ZNF169: variants seen among roughly 807,000 people sequenced by gnomAD.
ZNF169 encodes the protein zinc finger protein 169.
Under a neutral mutation model 12.0 loss-of-function variants are expected in ZNF169, and 11 were observed. The ratio of observed to expected loss-of-function variants is 0.92; its 90% CI spans 0.58 to 1.52. The LOEUF (loss-of-function observed/expected upper bound fraction) is 1.52, where lower values mean the gene tolerates loss of function less well. Among genes scored for constraint, ZNF169 ranks in the 40% most tolerant of loss-of-function variants. The pLI is 0.00. For missense variants in ZNF169, 722 were observed against 744.0 expected, an observed-to-expected ratio of 0.97 and a Z score of 0.34; for synonymous variants, 302 against 286.5, an observed-to-expected ratio of 1.05 and a Z score of -0.55.
rs1034209861 is a variant in ZNF169 at position 94,300,970 on chromosome 9, T to G, written c.1412T>G (p.Val471Gly). The part of the protein sequence containing the change: ...PDCGRGFGQK[V>G]TLIRHQRTHT... The stretch of plus-strand genomic sequence containing the variant: ...TGTGGGCGTGGCTTTGGTCAGAAGG[T>G]CACCCTCATCAGACACCAGAGGACA... The change falls in exon 5 of 5, where the codon GTC (valine) becomes GGC (glycine). Residue 471 changes from valine (V) to glycine (G), a missense_variant. Transcript: ENST00000395395. 3.1e-6 allele frequency: 5 copies of G among 1,597,598 alleles called. No individual in the cohort carries two copies. Among genetic ancestry groups the G allele is most frequent in the Non-Finnish European group, 4.3e-6 (5 of 1,174,608 alleles).
chr9:94,270,257 A>G lies in ZNF169; in HGVS notation c.-55-8501A>G, dbSNP rs938053584. Among the ~76,000 whole-genome samples, 13 of 152,264 alleles carry G rather than the reference A, an allele frequency of 8.5e-5. No individual in the cohort carries two copies. In the East Asian group the frequency reaches 1.9e-3, roughly 23 times the overall value. ...GGTTGTACGAGAATTCTGTTGCCTC[A>G]TTCTTGCCAACACTGCTATTTTCTG... On this transcript the variant is annotated intron_variant, in intron 1 of 4. Transcript: ENST00000395395.
At position 94,278,908 on chromosome 9, in the gene ZNF169, AG is replaced by A. The variant is rs1252136725; in HGVS notation, c.33+65del. 1.6e-5 allele frequency: 25 copies of A among 1,572,596 alleles called. No homozygotes were observed. In the Admixed American group the frequency reaches 4.3e-4, roughly 27 times the overall value. ...GTTTCATAATCTTTTCTTGTCCTGA[AG>A]GCTGCCTTCTTGGTGTTAGGCAAAG... On this transcript the variant is annotated intron_variant, in intron 2 of 4. Coordinates refer to ENST00000395395, the MANE Select transcript of ZNF169 (RefSeq NM_194320.4).
chr9:94,299,519 G>A (rs1174133996), intron 4 of ZNF169: 2 of 1,319,388 alleles, frequency 1.5e-6, no homozygotes, highest in Non-Finnish European at 1.9e-6. Context: ...AGGTTTAATA[G>A]GCTTGAGCTG....
At chr9:94,270,755 A>AT (rs1830385452) in intron 1 of ZNF169, among the ~76,000 whole-genome samples, 1 of 92,448 alleles carries the variant, frequency 1.1e-5, no homozygotes, top group Non-Finnish European at 2.0e-5. Context: ...TTTATATAAT[A>AT]TATAAATATA....
intron 1 of ZNF169, among the ~76,000 whole-genome samples, chr9:94,261,090 G>C (rs1398889876): frequency 6.6e-6 from 1 of 151,760 alleles, no homozygotes; most frequent in East Asian, 1.9e-4. Context: ...GGAGTGCAGT[G>C]GGGTGGCGCG....
At chr9:94,290,019 TG>T (rs1722439759) in intron 2 of ZNF169, among the ~76,000 whole-genome samples, 1 of 152,190 alleles carries the variant, frequency 6.6e-6, no homozygotes, top group African/African-American at 2.4e-5. Context: ...AGACATATCC[TG>T]GGCCATAAAC....
At chr9:94,287,812 A>G in intron 2 of ZNF169, 2 of 1,153,838 alleles carry the variant, frequency 1.7e-6, no homozygotes, top group Non-Finnish European at 1.3e-6. Flanking sequence ...GTTTGATTGT[A>G]TCCTAAACCT....
At chr9:94,260,241 C>T (rs991785686) in intron 1 of ZNF169, among the ~76,000 whole-genome samples, 3 of 152,122 alleles carry the variant, frequency 2.0e-5, no homozygotes, top group Non-Finnish European at 2.9e-5. Flanking sequence ...TTAGTAGAGA[C>T]GGGGTTTCAC....
chr9:94,292,202 T>G (rs1830855211), intron 2 of ZNF169, 139 bp from the exon 3 acceptor site: 2 of 1,385,464 alleles, frequency 1.4e-6, no homozygotes, highest in Admixed American at 3.6e-5. Flanking sequence ...GAACCAGGTT[T>G]CAGGTTAAAA....
chr9:94,270,044 T>C (rs1254861403), intron 1 of ZNF169, among the ~76,000 whole-genome samples: 1 of 152,156 alleles, frequency 6.6e-6, no homozygotes, highest in Admixed American at 6.6e-5. Flanking sequence ...CCTAAATGGA[T>C]CCTGTTAAGA....
Position 94,299,806 on chromosome 9 carries a change from C to G in ZNF169, c.257-9C>G. ...GTGGTGATTCTGACCAAGACTTTCT[C>G]TCTAGCAGAGCCTAGAACAGAATTC... On this transcript the variant is annotated splice_polypyrimidine_tract_variant and intron_variant, in intron 4 of 4. Coordinates refer to ENST00000395395, the MANE Select transcript of ZNF169 (RefSeq NM_194320.4). The G allele has an allele frequency of 6.2e-7, 1 of 1,604,502 alleles. No homozygotes were observed. The highest frequency in any genetic ancestry group is 1.1e-5 in the South Asian group (1 of 89,782).
At position 94,300,535 on chromosome 9, in the gene ZNF169, G is replaced by T. The variant is rs1831045056; in HGVS notation, c.977G>T (p.Gly326Val). The change falls in exon 5 of 5, where the codon GGC becomes GTC. Residue 326 changes from glycine to valine, a missense_variant. Coordinates refer to ENST00000395395, the MANE Select transcript of ZNF169 (RefSeq NM_194320.4). ...RPFVCQECGR[G>V]FRQKIALLLH... ...TTTGTATGTCAGGAGTGTGGGCGAGGCTTTCGCCAGAAGATAGCCCTCCTT... is the reference window on the plus strand; with the variant it reads ...TTTGTATGTCAGGAGTGTGGGCGAGTCTTTCGCCAGAAGATAGCCCTCCTT... The T allele has an allele frequency of 2.5e-6, 4 of 1,613,992 alleles. No individual in the cohort carries two copies. Among genetic ancestry groups the T allele is most frequent in the Admixed American group, 1.7e-5 (1 of 60,002 alleles).
chr9:94,261,022 T>TTTG (rs1564079987), intron 1 of ZNF169, among the ~76,000 whole-genome samples: 1,513 of 147,824 alleles, frequency 0.01, 8 homozygotes, highest in Non-Finnish European at 0.013. Flanking sequence ...GGGGTTTGTT[T>TTTG]TTTGTTTGTT....
chr9:94,287,829 C>A, intron 2 of ZNF169: 2 of 1,101,864 alleles, frequency 1.8e-6, no homozygotes, highest in East Asian at 2.4e-5. Flanking sequence ...ACCTCTCAGG[C>A]TGGAGTTGTT....
intron 1 of ZNF169, among the ~76,000 whole-genome samples, chr9:94,262,233 C>T (rs550685441): frequency 6.6e-6 from 1 of 152,214 alleles, no homozygotes; most frequent in South Asian, 2.1e-4. Flanking sequence ...GTGCTTGGCA[C>T]CCACCTGGAC....
Position 94,270,807 on chromosome 9 carries a change from T to TGTTA in ZNF169, c.-55-7951_-55-7950insGTTA, listed in dbSNP as rs1491587113. 3.0e-4 allele frequency among the ~76,000 whole-genome samples: 9 copies of TGTTA among 29,942 alleles called. 1 individual carries two copies. In the East Asian group the frequency reaches 6.9e-3, roughly 23 times the overall value. 19.6% of individuals were successfully genotyped at this position (29,942 alleles called of 152,430 possible). A position where few individuals can be genotyped will look rare whatever the true frequency, so the allele number is the denominator to read the frequency against. Reference sequence around the variant, plus strand: ...TAAATATATATAAATAATATATATATTATATTATATAAATATATATAAAAT... The same window carrying TGTTA: ...TAAATATATATAAATAATATATATATGTTATATATTATATAAATATATATAAAAT... On this transcript the variant is annotated intron_variant, in intron 1 of 4. Coordinates refer to ENST00000395395, the MANE Select transcript of ZNF169 (RefSeq NM_194320.4).
chr9:94,281,935 G>A (rs913720041), intron 2 of ZNF169, among the ~76,000 whole-genome samples: 1 of 152,042 alleles, frequency 6.6e-6, no homozygotes, highest in Non-Finnish European at 1.5e-5. Flanking sequence ...TGTTTCTTAT[G>A]GGACCTAAAA....
At chr9:94,287,514 G>A (rs1468121649) in intron 2 of ZNF169, among the ~76,000 whole-genome samples, 1 of 151,940 alleles carries the variant, frequency 6.6e-6, no homozygotes, top group African/African-American at 2.4e-5. Context: ...ACAGGCGCCC[G>A]CCACCACACC....
At chr9:94,273,825 C>G (rs752811517) in intron 1 of ZNF169, among the ~76,000 whole-genome samples, 14 of 152,092 alleles carry the variant, frequency 9.2e-5, no homozygotes, top group South Asian at 2.1e-4. Context: ...GTGATCCGCC[C>G]AGCTTGGCCT....
Sources: allele counts gnomAD v4.1 joint callset (sites outside exome capture counted in the v4.1 genomes callset), GRCh38; gene constraint gnomAD v4.1.1; transcripts MANE v1.5; gene names NCBI Gene and HGNC (gene_info 2026-07-23, HGNC 2026-07-21).